PDLIM5: variants seen among roughly 807,000 people sequenced by gnomAD.
PDLIM5 encodes PDZ and LIM domain protein 5.
A neutral mutation model predicts 64.2 loss-of-function variants in PDLIM5; 34 were observed. That is an observed-to-expected ratio of 0.53 (90% confidence interval 0.40 to 0.71). The LOEUF (loss-of-function observed/expected upper bound fraction) is 0.71. Ranked by LOEUF, PDLIM5 falls within the 30% of genes least tolerant of loss-of-function variation. PDLIM5 has a pLI of 0.00. For synonymous variants in PDLIM5, 253 were observed against 269.1 expected, an observed-to-expected ratio of 0.94 and a Z score of 0.59; for missense variants, 683 against 733.6, an observed-to-expected ratio of 0.93 and a Z score of 0.80.
In PDLIM5 at chr4:94,620,893, C is replaced by T. The variant is rs374027302; in HGVS notation, c.1108+2702C>T. ...GATCAAGATCACCTGATGGGTAAAA[C>T]CCTGTCTCTACTAAAAATAAAAGAA... On this transcript the variant is annotated intron_variant, in intron 8 of 12. Coordinates refer to ENST00000317968, the MANE Select transcript of PDLIM5 (RefSeq NM_006457.5). 5.3e-5 allele frequency among the ~76,000 whole-genome samples: 8 copies of T among 151,456 alleles called. No individual in the cohort carries two copies. In the South Asian group the frequency reaches 1.5e-3, roughly 28 times the overall value.
intron 8 of PDLIM5, among the ~76,000 whole-genome samples, chr4:94,618,882 A>T (rs770915855): frequency 2.2e-4 from 33 of 152,214 alleles, no homozygotes; most frequent in Non-Finnish European, 4.3e-4. Context: ...TTTAACAGGA[A>T]AATGGGACTG....
At chr4:94,574,498 CA>C (rs70946534) in intron 4 of PDLIM5, among the ~76,000 whole-genome samples, 10,234 of 96,406 alleles carry the variant, frequency 0.11, 489 homozygotes, top group African/African-American at 0.24. Flanking sequence ...ACTCCTGTCT[CA>C]AAAAAAAAAA....
chr4:94,655,555 A>T lies in PDLIM5; in HGVS notation c.1464+915A>T, dbSNP rs189958799. 3.8e-3 allele frequency among the ~76,000 whole-genome samples: 572 copies of T among 152,342 alleles called. 2 individuals carry two copies. The highest frequency in any genetic ancestry group is 0.013 in the African/African-American group (528 of 41,594). ...GTCTGAAACGTTGAAGACACTTAAA[A>T]TTATATATATGTCACCTGAAATATT... is the stretch of plus-strand genomic sequence containing the variant. On this transcript the variant is annotated intron_variant, in intron 10 of 12. Transcript: ENST00000317968.
At chr4:94,596,705 T>C (rs1737094578) in intron 7 of PDLIM5, among the ~76,000 whole-genome samples, 1 of 152,046 alleles carries the variant, frequency 6.6e-6, no homozygotes, top group African/African-American at 2.4e-5. Context: ...CCTACTTTTA[T>C]ATTATGTGAA....
chr4:94,498,195 T>C (rs1206150981), intron 2 of PDLIM5, among the ~76,000 whole-genome samples: 1 of 152,208 alleles, frequency 6.6e-6, no homozygotes, highest in Non-Finnish European at 1.5e-5. Context: ...GTAACATTTA[T>C]TCCTCATTTA....
intron 2 of PDLIM5, among the ~76,000 whole-genome samples, chr4:94,467,291 A>G (rs2126087316): frequency 6.6e-6 from 1 of 151,228 alleles, no homozygotes; most frequent in Admixed American, 6.6e-5. Flanking sequence ...AATGTACCTG[A>G]TTGATAGAAT....
At chr4:94,617,266 A>T (rs1738853799) in intron 7 of PDLIM5, among the ~76,000 whole-genome samples, 1 of 152,222 alleles carries the variant, frequency 6.6e-6, no homozygotes, top group South Asian at 2.1e-4. Flanking sequence ...TAAAGGCCAT[A>T]TGATCTTCAA....
At chr4:94,634,024 C>T (rs1740363230) in intron 8 of PDLIM5, among the ~76,000 whole-genome samples, 1 of 152,038 alleles carries the variant, frequency 6.6e-6, no homozygotes, top group Admixed American at 6.6e-5. Context: ...GCCAGCATGT[C>T]TGGGATATAA....
chr4:94,524,438 T>C (rs1369980608), intron 3 of PDLIM5, among the ~76,000 whole-genome samples: 1 of 151,388 alleles, frequency 6.6e-6, no homozygotes, highest in Admixed American at 6.6e-5. Context: ...TTGAAATTTC[T>C]CAATGGAGTG....
intron 3 of PDLIM5, among the ~76,000 whole-genome samples, chr4:94,550,392 T>TTCAAAGAC (rs909270217): frequency 6.6e-6 from 1 of 152,194 alleles, no homozygotes; most frequent in Non-Finnish European, 1.5e-5. Context: ...AATGAGAAAT[T>TTCAAAGAC]TCAAAGACTT....
intron 8 of PDLIM5, among the ~76,000 whole-genome samples, chr4:94,633,201 A>G (rs1661184293): frequency 1.3e-5 from 2 of 152,178 alleles, no homozygotes; most frequent in Admixed American, 1.3e-4. Flanking sequence ...GAGGAGTGGA[A>G]TATTAATGAA....
intron 9 of PDLIM5, among the ~76,000 whole-genome samples, chr4:94,652,612 A>G (rs1741927605): frequency 6.6e-6 from 1 of 152,202 alleles, no homozygotes; most frequent in Non-Finnish European, 1.5e-5. Context: ...ACCACTTACC[A>G]AAAGTAATAT....
chr4:94,615,871 A>G (rs1738746231), intron 7 of PDLIM5, among the ~76,000 whole-genome samples: 1 of 152,196 alleles, frequency 6.6e-6, no homozygotes, highest in African/African-American at 2.4e-5. Context: ...GTAGTTACAT[A>G]GAGTGAATCT....
chr4:94,547,572 T>G (rs1360275820), intron 3 of PDLIM5, among the ~76,000 whole-genome samples: 1 of 152,176 alleles, frequency 6.6e-6, no homozygotes, highest in Non-Finnish European at 1.5e-5. Context: ...CTAAATTCCC[T>G]TCTGCATGTT....
chr4:94,662,547 G>C lies in PDLIM5; in HGVS notation c.1701+10G>C, dbSNP rs371543022. On this transcript the variant is annotated intron_variant, in intron 12 of 12. Transcript: ENST00000317968. ...TTGCTTTGTATGCTCAGTAAGTAGA[G>C]TCTTATTTCCTAATTAAAGGGGTAT... 4.6e-5 allele frequency: 62 copies of C among 1,352,194 alleles called. 1 individual carries two copies. The African/African-American group carries it at 8.2e-4, about 18-fold the overall frequency. 83.8% of individuals were successfully genotyped at this position (1,352,194 alleles called of 1,614,324 possible). A position where few individuals can be genotyped will look rare whatever the true frequency, so the allele number is the denominator to read the frequency against.
In PDLIM5 at chr4:94,632,288, A is replaced by G. The variant is rs189932599; in HGVS notation, c.1109-7988A>G. On this transcript the variant is annotated intron_variant, in intron 8 of 12. Coordinates refer to ENST00000317968, the MANE Select transcript of PDLIM5 (RefSeq NM_006457.5). ...AACATTTGCCTCATTTCGTGATTCT[A>G]CATGTTTTGGGGCAAGTTACTTATC... Among the ~76,000 whole-genome samples the G allele has an allele frequency of 8.5e-5, 13 of 152,334 alleles. 1 individual carries two copies. Among genetic ancestry groups the G allele is most frequent in the Admixed American group, 6.5e-4 (10 of 15,300 alleles).
intron 7 of PDLIM5, among the ~76,000 whole-genome samples, chr4:94,609,973 T>A (rs1376590345): frequency 1.3e-5 from 2 of 152,216 alleles, no homozygotes; most frequent in Non-Finnish European, 2.9e-5. Context: ...ATACATCAGC[T>A]TTTAGCTTCT....
chr4:94,609,734 C>T (rs1578465709), intron 7 of PDLIM5, among the ~76,000 whole-genome samples: 1 of 152,128 alleles, frequency 6.6e-6, no homozygotes, highest in South Asian at 2.1e-4. Context: ...CAGTATATAT[C>T]GTCTCTAAGG....
chr4:94,501,230 G>T (rs918984250), intron 2 of PDLIM5, among the ~76,000 whole-genome samples: 11 of 151,962 alleles, frequency 7.2e-5, no homozygotes, highest in Non-Finnish European at 1.2e-4. Flanking sequence ...GTGCCACTAT[G>T]CCTGGCTAAT....
Sources: gnomAD v4.1 joint callset for allele counts (sites outside exome capture counted in the v4.1 genomes callset) on GRCh38, gnomAD v4.1.1 for gene constraint, MANE v1.5 for transcripts, NCBI Gene and HGNC (gene_info 2026-07-23, HGNC 2026-07-21) for gene names.